The following OR9Q1 variants were observed in gnomAD, a reference collection of about 807,000 sequenced individuals.
OR9Q1 encodes the protein olfactory receptor 9Q1.
For synonymous variants in OR9Q1, 153 were observed against 148.6 expected (o/e 1.03, Z -0.22); for missense variants, 374 against 378.8 (o/e 0.99, Z 0.11).
chr11:58,161,092 T>C (rs1432399505), intron 2 of OR9Q1, among the ~76,000 whole-genome samples: 1 of 150,130 alleles, frequency 6.7e-6, no homozygotes, highest in Non-Finnish European at 1.5e-5. Context: ...TGGGGGCCTG[T>C]CTGGGGTCGG....
rs539001863 is a variant in OR9Q1 at position 58,178,885 on chromosome 11, A to G, written c.-14-546A>G. 2.9e-4 allele frequency among the ~76,000 whole-genome samples: 42 copies of G among 145,216 alleles called. 1 individual carries two copies. Among genetic ancestry groups the G allele is most frequent in the Non-Finnish European group, 5.7e-4 (38 of 66,824 alleles). On this transcript the variant is annotated intron_variant, in intron 2 of 2. Transcript: ENST00000335397. ...CTGACATATTTTATATGTATATATT[A>G]TATATATATTTATATATTATATATA...
chr11:58,077,669 C>T (rs1853550349), intron 2 of OR9Q1: 1 of 152,194 alleles, frequency 6.6e-6, no homozygotes, highest in African/African-American at 2.4e-5. Flanking sequence ...CAGCTATAAT[C>T]ATAAAAGCTG....
chr11:58,047,578 AATTG>A (rs1853230259), intron 1 of OR9Q1: 1 of 152,098 alleles, frequency 6.6e-6, no homozygotes, highest in Non-Finnish European at 1.5e-5. Context: ...AACAGTAAAA[AATTG>A]ATTAAGAGCA....
intron 2 of OR9Q1, among the ~76,000 whole-genome samples, chr11:58,148,635 A>C (rs974253743): frequency 9.2e-5 from 14 of 152,182 alleles, no homozygotes; most frequent in African/African-American, 2.9e-4. Context: ...AAAGAAATGA[A>C]GCATGTTTGG....
intron 2 of OR9Q1, chr11:58,117,332 G>A (rs1853965903): frequency 6.6e-6 from 1 of 152,144 alleles, no homozygotes; most frequent in African/African-American, 2.4e-5. Flanking sequence ...TCTGATTCAA[G>A]CCTGACTCCA....
At position 58,085,419 on chromosome 11, in the gene OR9Q1, A is replaced by T. The variant is rs75454451; in HGVS notation, c.-15+29472A>T. On this transcript the variant is annotated intron_variant, in intron 2 of 2. Transcript: ENST00000335397. ...TTTTGATGGTAAAAATCCTTAACAT[A>T]AAATCTACTCTTTTAACAAAATTTT... is the stretch of plus-strand genomic sequence containing the variant. Among the ~76,000 whole-genome samples, 294 of 151,938 alleles carry T rather than the reference A, an allele frequency of 1.9e-3. 10 individuals are homozygous for T. Among genetic ancestry groups the T allele is most frequent in the African/African-American group, 7.0e-3 (289 of 41,288 alleles).
At chr11:58,054,027 G>A (rs1277340246) in intron 1 of OR9Q1, among the ~76,000 whole-genome samples, 1 of 152,130 alleles carries the variant, frequency 6.6e-6, no homozygotes, top group Non-Finnish European at 1.5e-5. Flanking sequence ...GGTGGTGATG[G>A]ATGTGTTAAT....
In OR9Q1 at chr11:58,128,408, C is replaced by T. The variant is rs762761684; in HGVS notation, c.-14-51023C>T. ...AAATGGCAAAGCTGAGAAACAAATC[C>T]AAGTATCCACGAGGAATTAGTATAT... On this transcript the variant is annotated intron_variant, in intron 2 of 2. Transcript: ENST00000335397. Among the ~76,000 whole-genome samples the T allele has an allele frequency of 5.1e-4, 78 of 151,954 alleles. 1 individual carries two copies. The highest frequency in any genetic ancestry group is 1.0e-3 in the Non-Finnish European group (68 of 67,944).
At chr11:58,101,050 T>C (rs1853778808) in intron 2 of OR9Q1, among the ~76,000 whole-genome samples, 1 of 152,150 alleles carries the variant, frequency 6.6e-6, no homozygotes, top group Non-Finnish European at 1.5e-5. Context: ...GATGGGTTGG[T>C]TAATGGGTAC....
intron 2 of OR9Q1, among the ~76,000 whole-genome samples, chr11:58,081,793 C>CTTTTTTTTTTTTTTTTTTTTT (rs201892501): frequency 2.3e-5 from 3 of 128,154 alleles, no homozygotes; most frequent in Non-Finnish European, 3.3e-5. Flanking sequence ...ATGATAGTTT[C>CTTTTTTTTTTTTTTTTTTTTT]TTTTTTTTTT....
At chr11:58,025,621 T>G (rs1028373140) in intron 1 of OR9Q1, among the ~76,000 whole-genome samples, 1 of 152,200 alleles carries the variant, frequency 6.6e-6, no homozygotes, top group African/African-American at 2.4e-5. Context: ...AGAAAGAGTT[T>G]CTCATTAGAC....
At chr11:58,163,591 T>C (rs1209257357) in intron 2 of OR9Q1, among the ~76,000 whole-genome samples, 1 of 152,266 alleles carries the variant, frequency 6.6e-6, no homozygotes, top group Non-Finnish European at 1.5e-5. Context: ...GCAGTGCACT[T>C]GTCCTAGTTA....
intron 2 of OR9Q1, among the ~76,000 whole-genome samples, chr11:58,072,050 T>C (rs1853492793): frequency 6.6e-6 from 1 of 152,152 alleles, no homozygotes; most frequent in South Asian, 2.1e-4. Context: ...ACATGTACAA[T>C]TGCACTTAAA....
chr11:58,139,315 G>T (rs1854220320), intron 2 of OR9Q1, among the ~76,000 whole-genome samples: 1 of 151,442 alleles, frequency 6.6e-6, no homozygotes. Context: ...TAAGTTTTAG[G>T]GTACATGTGC....
chr11:58,028,496 C>T (rs554980271), intron 1 of OR9Q1, among the ~76,000 whole-genome samples: 1 of 152,160 alleles, frequency 6.6e-6, no homozygotes, highest in Non-Finnish European at 1.5e-5. Context: ...TCATCCTCTC[C>T]ATGACTATGA....
intron 2 of OR9Q1, among the ~76,000 whole-genome samples, chr11:58,100,788 A>C (rs1853776481): frequency 6.6e-6 from 1 of 152,194 alleles, no homozygotes; most frequent in African/African-American, 2.4e-5. Context: ...TGGATGAAGA[A>C]AACATGGCAT....
At position 58,114,496 on chromosome 11, in the gene OR9Q1, C is replaced by T. The variant is rs151008913; in HGVS notation, c.-15+58549C>T. 5.9e-5 allele frequency among the ~76,000 whole-genome samples: 9 copies of T among 152,194 alleles called. No individual in the cohort carries two copies. The East Asian group carries it at 1.7e-3, about 30-fold the overall frequency. On this transcript the variant is annotated intron_variant, in intron 2 of 2. Coordinates refer to ENST00000335397, the MANE Select transcript of OR9Q1 (RefSeq NM_001005212.4). ...CCAACTTCTGGGAGAAGCCTGTTAC[C>T]TTCAGTTAGAGCTGACTACAGGGAT...
At chr11:58,097,874 A>G (rs1208491797) in intron 2 of OR9Q1, among the ~76,000 whole-genome samples, 3 of 152,236 alleles carry the variant, frequency 2.0e-5, no homozygotes, top group African/African-American at 7.2e-5. Context: ...TTTTGATTCA[A>G]TTTGTGTAAA....
rs536692376 is a variant in OR9Q1 at position 58,132,581 on chromosome 11, G to T, written c.-14-46850G>T. 3.9e-5 allele frequency among the ~76,000 whole-genome samples: 6 copies of T among 152,296 alleles called. No homozygotes were observed. The South Asian group carries it at 1.2e-3, about 32-fold the overall frequency. On this transcript the variant is annotated intron_variant, in intron 2 of 2. Coordinates refer to ENST00000335397, the MANE Select transcript of OR9Q1 (RefSeq NM_001005212.4). Reference sequence around the variant, plus strand: ...TATTAGCTGAATAAATGAGTGAGCAGATTGCTGGGACCTCACACAGTCACA... The same window carrying T: ...TATTAGCTGAATAAATGAGTGAGCATATTGCTGGGACCTCACACAGTCACA...
Sources: allele counts gnomAD v4.1 joint callset (sites outside exome capture counted in the v4.1 genomes callset), GRCh38; gene constraint gnomAD v4.1.1; transcripts MANE v1.5; gene names NCBI Gene and HGNC (gene_info 2026-07-23, HGNC 2026-07-21).